The following CRTAC1 variants were observed in gnomAD, a reference collection of about 807,000 sequenced individuals.
The protein encoded by CRTAC1 is cartilage acidic protein 1.
CRTAC1 carries 37 observed loss-of-function variants against 67.8 expected under a neutral mutation model. The ratio of observed to expected loss-of-function variants is 0.55; its 90% CI spans 0.42 to 0.72. The LOEUF is 0.72. CRTAC1 is among the 30% of genes least tolerant of loss of function. CRTAC1 has a pLI of 0.00. For synonymous variants in CRTAC1, 348 were observed against 371.0 expected (o/e 0.94, Z 0.71); for missense variants, 780 against 931.6 (o/e 0.84, Z 2.12).
At chr10:97,885,800 A>AG (rs2050274928) in intron 11 of CRTAC1, among the ~76,000 whole-genome samples, 1 of 152,236 alleles carries the variant, frequency 6.6e-6, no homozygotes, top group Admixed American at 6.5e-5. Context: ...GGGGTCCTGC[A>AG]GGGGGACCTG....
At chr10:97,902,989 C>A (rs1157060587) in intron 7 of CRTAC1, among the ~76,000 whole-genome samples, 3 of 151,884 alleles carry the variant, frequency 2.0e-5, no homozygotes, top group Non-Finnish European at 4.4e-5. Flanking sequence ...AAAATGGAAA[C>A]CTCCCATAGC....
intron 2 of CRTAC1, among the ~76,000 whole-genome samples, chr10:97,990,883 G>T (rs577128152): frequency 2.6e-5 from 4 of 152,048 alleles, no homozygotes; most frequent in Admixed American, 6.6e-5. Context: ...ATTTTACGTT[G>T]CATGTCTGTA....
At position 97,896,963 on chromosome 10, in the gene CRTAC1, G is replaced by C. The variant is rs1161543210; in HGVS notation, c.1162C>G (p.Leu388Val). 2.6e-6 allele frequency: 4 copies of C among 1,560,424 alleles called. No homozygotes were observed. The highest frequency in any genetic ancestry group is 2.6e-6 in the Non-Finnish European group (3 of 1,151,430). The change falls in exon 9 of 15, where the codon CTC becomes GTC. Residue 388 changes from leucine (L) to valine (V), a missense_variant. Transcript: ENST00000370597. ...TCGCCGGGATTGAGCTCCTCGATGA[G>C]GGGGTCTCCGTGCTCTCTACGGATG... ...RVIRREHGDPLIEELNPGDAL... is the reference protein window; with the variant it reads ...RVIRREHGDPVIEELNPGDAL...
At chr10:97,957,230 G>A (rs934737404) in intron 2 of CRTAC1, among the ~76,000 whole-genome samples, 2 of 152,218 alleles carry the variant, frequency 1.3e-5, no homozygotes, top group South Asian at 2.1e-4. Context: ...AGAGGGTAAT[G>A]GTAGACTTCT....
At chr10:97,871,522 CAG>C (rs2050093446) in intron 14 of CRTAC1, 3 of 152,202 alleles carry the variant, frequency 2.0e-5, no homozygotes, top group Admixed American at 2.0e-4. Flanking sequence ...ATAGAATAAA[CAG>C]ATATTTATCC....
chr10:97,907,164 C>T (rs900697611), intron 6 of CRTAC1, among the ~76,000 whole-genome samples: 11 of 152,180 alleles, frequency 7.2e-5, no homozygotes, highest in South Asian at 2.1e-4. Flanking sequence ...TGAATAGAAC[C>T]GTGACCCGGT....
chr10:97,919,034 C>G (rs564918327), intron 4 of CRTAC1, among the ~76,000 whole-genome samples: 3 of 131,290 alleles, frequency 2.3e-5, no homozygotes, highest in South Asian at 2.6e-4. Flanking sequence ...ATCCACCACC[C>G]CCCCCCGCCT....
chr10:97,879,645 T>C, intron 14 of CRTAC1: 1 of 1,534,826 alleles, frequency 6.5e-7, no homozygotes, highest in Non-Finnish European at 8.8e-7. Context: ...CCACAAAGGC[T>C]GTTAGTTTTG....
At chr10:98,011,079 AG>A (rs1178510999) in intron 2 of CRTAC1, 58 bp downstream of exon 2, 33 of 1,464,788 alleles carry the variant, frequency 2.3e-5, no homozygotes, top group Non-Finnish European at 1.9e-5. Flanking sequence ...GTTGTTACAC[AG>A]CCTTATTACA....
intron 14 of CRTAC1, among the ~76,000 whole-genome samples, chr10:97,872,119 C>T (rs1190881346): frequency 6.8e-6 from 1 of 147,912 alleles, no homozygotes; most frequent in African/African-American, 2.5e-5. Context: ...CCCACCCCCA[C>T]CCCCACCTCC....
At chr10:97,981,965 A>C (rs1194872032) in intron 2 of CRTAC1, among the ~76,000 whole-genome samples, 2 of 152,216 alleles carry the variant, frequency 1.3e-5, no homozygotes, top group African/African-American at 2.4e-5. Context: ...TTCATATACA[A>C]AGTGAAACTG....
At chr10:97,936,133 A>G in intron 3 of CRTAC1, 37 bp downstream of exon 3, 4 of 1,544,296 alleles carry the variant, frequency 2.6e-6, no homozygotes, top group Non-Finnish European at 3.5e-6. Flanking sequence ...GAGGGAGAAG[A>G]TGGGAAGCAG....
chr10:97,952,928 C>A (rs770465762), intron 2 of CRTAC1, among the ~76,000 whole-genome samples: 3 of 152,118 alleles, frequency 2.0e-5, no homozygotes, highest in Non-Finnish European at 2.9e-5. Context: ...ATATGTCCTC[C>A]CTGAGGATGG....
rs1370248277 is a variant in CRTAC1, at chr10:97,865,239, TCCTCATACTTCCTGTGCAGTGACACCA to T, written c.*282_*308del. The T allele has an allele frequency of 1.4e-5, 4 of 285,616 alleles. No homozygotes were observed. The highest frequency in any genetic ancestry group is 2.1e-5 in the African/African-American group (1 of 46,526). 17.7% of individuals were successfully genotyped at this position (285,616 alleles called of 1,614,324 possible). On this transcript the variant is annotated 3_prime_UTR_variant, in exon 15 of 15. Transcript: ENST00000370597. ...AGGATTTGAACTCAGGACACTAAAG[TCCTCATACTTCCTGTGCAGTGACACCA>T]CCTCCCTGGGCACATCTGTGTCCTA...
intron 8 of CRTAC1, among the ~76,000 whole-genome samples, chr10:97,900,326 C>T (rs528946457): frequency 2.6e-5 from 4 of 152,190 alleles, no homozygotes; most frequent in Admixed American, 6.5e-5. Context: ...GGAAGAAGTG[C>T]CCTGTGATCT....
chr10:98,028,565 C>G (rs1339129867), intron 1 of CRTAC1, among the ~76,000 whole-genome samples: 2 of 152,124 alleles, frequency 1.3e-5, no homozygotes, highest in Non-Finnish European at 2.9e-5. Context: ...ACAGGGGCAC[C>G]CCTGCGCAGC....
At chr10:98,019,092 T>C (rs1171923835) in intron 1 of CRTAC1, among the ~76,000 whole-genome samples, 1 of 151,954 alleles carries the variant, frequency 6.6e-6, no homozygotes, top group Non-Finnish European at 1.5e-5. Flanking sequence ...TGGGAAGTGC[T>C]TCCTAGAGGG....
intron 2 of CRTAC1, among the ~76,000 whole-genome samples, chr10:98,007,499 A>T (rs924150459): frequency 6.6e-6 from 1 of 152,216 alleles, no homozygotes; most frequent in African/African-American, 2.4e-5. Flanking sequence ...GCCACAAAGA[A>T]AGCCTGACCT....
At chr10:97,974,972 G>T (rs536668232) in intron 2 of CRTAC1, among the ~76,000 whole-genome samples, 6 of 152,162 alleles carry the variant, frequency 3.9e-5, no homozygotes, top group Non-Finnish European at 5.9e-5. Flanking sequence ...GGGGAGAAGG[G>T]AGCGGGCAGT....
Sources: gnomAD v4.1 joint callset for allele counts (sites outside exome capture counted in the v4.1 genomes callset) on GRCh38, gnomAD v4.1.1 for gene constraint, MANE v1.5 for transcripts, NCBI Gene and HGNC (gene_info 2026-07-23, HGNC 2026-07-21) for gene names.